Variants in FRAS1 observed in about 807,000 individuals in gnomAD.
FRAS1 encodes extracellular matrix organizing protein FRAS1.
In FRAS1, 290 loss-of-function variants were observed where a neutral mutation model predicts 435.2. The observed-to-expected ratio is 0.67, with a 90% CI of 0.61 to 0.73. The LOEUF (loss-of-function observed/expected upper bound fraction) is 0.73, where lower values mean the gene tolerates loss of function less well. Among genes scored for constraint, FRAS1 ranks in the 30% least tolerant of loss-of-function variants. The pLI is 0.00. For synonymous variants in FRAS1, 1,800 were observed against 1,851.0 expected (o/e 0.97, Z 0.71); for missense variants, 4,860 against 5,001.5 (o/e 0.97, Z 0.85).
intron 15 of FRAS1, among the ~76,000 whole-genome samples, chr4:78,308,725 G>A (rs1011246679): frequency 2.0e-5 from 3 of 152,210 alleles, no homozygotes; most frequent in Non-Finnish European, 2.9e-5. Context: ...GCACTTCCTT[G>A]AACCAGGCAC....
At chr4:78,301,869 T>TTA (rs1553941007) in intron 14 of FRAS1, among the ~76,000 whole-genome samples, 7 of 148,320 alleles carry the variant, frequency 4.7e-5, no homozygotes, top group African/African-American at 7.5e-5. Flanking sequence ...TTTTTTTTTT[T>TTA]ATACTTTAAG....
intron 18 of FRAS1, among the ~76,000 whole-genome samples, chr4:78,321,849 A>AAAG (rs991062137): frequency 2.6e-5 from 4 of 151,872 alleles, no homozygotes; most frequent in African/African-American, 9.7e-5. Context: ...AAAAAAAAAA[A>AAAG]AAAAAAAGGT....
At chr4:78,535,791 G>T (rs778299352) in intron 71 of FRAS1, among the ~76,000 whole-genome samples, 5 of 152,018 alleles carry the variant, frequency 3.3e-5, no homozygotes, top group Non-Finnish European at 7.4e-5. Flanking sequence ...CTACCTTTCC[G>T]CTTAAAACCC....
intron 2 of FRAS1, among the ~76,000 whole-genome samples, chr4:78,178,233 A>ACTTTACC: frequency 6.6e-6 from 1 of 152,080 alleles, no homozygotes; most frequent in African/African-American, 2.4e-5. Context: ...GGGTAGAGGC[A>ACTTTACC]CTTTACCCAA....
chr4:78,145,412 A>G (rs1720375770), intron 2 of FRAS1, among the ~76,000 whole-genome samples: 1 of 151,962 alleles, frequency 6.6e-6, no homozygotes, highest in Non-Finnish European at 1.5e-5. Flanking sequence ...GTTTTTCACT[A>G]CTTTTCTTCT....
intron 2 of FRAS1, among the ~76,000 whole-genome samples, chr4:78,149,372 T>A (rs755846150): frequency 6.6e-6 from 1 of 152,192 alleles, no homozygotes; most frequent in Non-Finnish European, 1.5e-5. Flanking sequence ...AAAATTATTA[T>A]AAGGCCAATA....
chr4:78,330,091 C>T (rs145718296), intron 18 of FRAS1, among the ~76,000 whole-genome samples: 5,973 of 152,218 alleles, frequency 0.039, 320 homozygotes, highest in African/African-American at 0.12. Context: ...ACAGAGGGAC[C>T]GGCTGAAGCC....
intron 14 of FRAS1, among the ~76,000 whole-genome samples, chr4:78,304,353 G>A (rs1376279078): frequency 1.3e-5 from 2 of 152,182 alleles, no homozygotes; most frequent in Non-Finnish European, 2.9e-5. Context: ...TTTAGTATCA[G>A]AATGATGCTG....
chr4:78,113,158 C>T (rs906505215), intron 2 of FRAS1, among the ~76,000 whole-genome samples: 1 of 152,202 alleles, frequency 6.6e-6, no homozygotes, highest in Non-Finnish European at 1.5e-5. Context: ...GACATGAACT[C>T]ATCATTTTTT....
At chr4:78,343,329 T>C (rs1730472102) in intron 20 of FRAS1, among the ~76,000 whole-genome samples, 1 of 152,152 alleles carries the variant, frequency 6.6e-6, no homozygotes, top group Non-Finnish European at 1.5e-5. Context: ...CTAACTGATA[T>C]TTATACTTTG....
At chr4:78,361,253 G>C (rs1731061712) in intron 20 of FRAS1, among the ~76,000 whole-genome samples, 1 of 152,190 alleles carries the variant, frequency 6.6e-6, no homozygotes, top group South Asian at 2.1e-4. Context: ...GAGAACAAAG[G>C]GCTTGGCATT....
chr4:78,387,754 A>G (rs542046212), intron 29 of FRAS1, 53 bp downstream of exon 29: 2 of 1,180,066 alleles, frequency 1.7e-6, no homozygotes, highest in South Asian at 1.9e-5. Flanking sequence ...GTGAACTTCT[A>G]CGGTTGATAT....
At position 78,164,556 on chromosome 4, in the gene FRAS1, G is replaced by A. The variant is rs1721262965; in HGVS notation, c.109-72954G>A. Among the ~76,000 whole-genome samples, 3 of 151,998 alleles carry A rather than the reference G, an allele frequency of 2.0e-5. No individual in the cohort carries two copies. The South Asian group carries it at 6.2e-4, about 31-fold the overall frequency. The stretch of plus-strand genomic sequence containing the variant: ...CTTCTAAAGGGAAAAAATCTTACCT[G>A]AGATAATGTCTTATATAAATGTAAG... On this transcript the variant is annotated intron_variant, in intron 2 of 73. Coordinates refer to ENST00000512123, the MANE Select transcript of FRAS1 (RefSeq NM_025074.7).
intron 34 of FRAS1, among the ~76,000 whole-genome samples, chr4:78,423,930 G>T (rs1368695184): frequency 6.6e-6 from 1 of 152,184 alleles, no homozygotes; most frequent in Admixed American, 6.5e-5. Flanking sequence ...AGAGAGCAGA[G>T]TCCTATGCTG....
intron 58 of FRAS1, among the ~76,000 whole-genome samples, chr4:78,483,767 ACTCTCTCTC>A (rs1720083198): frequency 9.1e-6 from 1 of 110,336 alleles, no homozygotes; most frequent in African/African-American, 3.2e-5. Flanking sequence ...GAAAAAAAAA[ACTCTCTCTC>A]TCTCTCTATA....
At chr4:78,304,151 A>G (rs1402740217) in intron 14 of FRAS1, among the ~76,000 whole-genome samples, 1 of 149,756 alleles carries the variant, frequency 6.7e-6, no homozygotes, top group Non-Finnish European at 1.5e-5. Context: ...TATATGCTGG[A>G]TTACATTTAT....
intron 6 of FRAS1, among the ~76,000 whole-genome samples, chr4:78,258,914 T>TTGC (rs1725935921): frequency 9.6e-6 from 1 of 104,320 alleles, no homozygotes; most frequent in Non-Finnish European, 1.9e-5. Context: ...TGTCCATGTG[T>TTGC]TCTCATTGTT....
chr4:78,218,657 G>C (rs996356035), intron 2 of FRAS1, among the ~76,000 whole-genome samples: 1 of 152,210 alleles, frequency 6.6e-6, no homozygotes, highest in Admixed American at 6.5e-5. Context: ...AGATTGCAGA[G>C]AGTTAGCCCC....
At chr4:78,116,265 T>G (rs1014104792) in intron 2 of FRAS1, among the ~76,000 whole-genome samples, 1 of 152,192 alleles carries the variant, frequency 6.6e-6, no homozygotes, top group African/African-American at 2.4e-5. Flanking sequence ...TAGTCAATTT[T>G]GGAATAGGTG....
Sources: gnomAD v4.1 joint callset for allele counts (sites outside exome capture counted in the v4.1 genomes callset) on GRCh38, gnomAD v4.1.1 for gene constraint, MANE v1.5 for transcripts, NCBI Gene and HGNC (gene_info 2026-07-23, HGNC 2026-07-21) for gene names.